Variants in ACOXL observed in about 807,000 individuals in gnomAD.
ACOXL encodes the protein acyl-coenzyme A oxidase-like protein.
Under a neutral mutation model 71.9 loss-of-function variants are expected in ACOXL, and 70 were observed. The observed-to-expected ratio is 0.97, with a 90% CI of 0.80 to 1.19. The LOEUF is 1.19. ACOXL is among the 50% of genes most tolerant of loss of function. The pLI is 0.00. For missense variants in ACOXL, 703 were observed against 736.3 expected (o/e 0.95, Z 0.52); for synonymous variants, 253 against 281.6 (o/e 0.90, Z 1.02).
chr2:111,090,749 A>G (rs1330262528), intron 16 of ACOXL, among the ~76,000 whole-genome samples: 2 of 152,220 alleles, frequency 1.3e-5, no homozygotes, highest in Non-Finnish European at 2.9e-5. Context: ...GGCTTGGATC[A>G]GATGGGACTG....
chr2:111,050,944 G>A (rs561114552), intron 16 of ACOXL, among the ~76,000 whole-genome samples: 27 of 152,320 alleles, frequency 1.8e-4, no homozygotes, highest in African/African-American at 6.5e-4. Context: ...CATTCGGTTA[G>A]AAACTAACAG....
intron 16 of ACOXL, among the ~76,000 whole-genome samples, chr2:111,081,782 G>A (rs1315206610): frequency 6.6e-6 from 1 of 152,090 alleles, no homozygotes; most frequent in Non-Finnish European, 1.5e-5. Flanking sequence ...ATACTACAAG[G>A]CTACAGTAAC....
intron 2 of ACOXL, among the ~76,000 whole-genome samples, chr2:110,770,365 G>A (rs1279917991): frequency 6.6e-6 from 1 of 152,226 alleles, no homozygotes; most frequent in Non-Finnish European, 1.5e-5. Context: ...TTGGTAGGTT[G>A]TCTAAGGAGA....
intron 11 of ACOXL, among the ~76,000 whole-genome samples, chr2:110,924,083 T>G (rs770868162): frequency 1.6e-4 from 24 of 152,218 alleles, no homozygotes; most frequent in Non-Finnish European, 2.4e-4. Flanking sequence ...GTATAAAAGT[T>G]ATATTTACAC....
intron 15 of ACOXL, among the ~76,000 whole-genome samples, chr2:111,046,648 G>A (rs2066028870): frequency 6.6e-6 from 1 of 152,102 alleles, no homozygotes; most frequent in African/African-American, 2.4e-5. Context: ...CAGTATGGAG[G>A]GTAACCACCC....
At chr2:111,104,354 A>AG (rs1285835568) in intron 17 of ACOXL, among the ~76,000 whole-genome samples, 1 of 152,214 alleles carries the variant, frequency 6.6e-6, no homozygotes, top group Non-Finnish European at 1.5e-5. Context: ...GTAGATGTTC[A>AG]GGGGTTCCAT....
chr2:111,009,919 C>A (rs2064065778), intron 14 of ACOXL, among the ~76,000 whole-genome samples: 1 of 152,180 alleles, frequency 6.6e-6, no homozygotes, highest in Non-Finnish European at 1.5e-5. Context: ...TATATTCTTC[C>A]TGACAAAGCA....
intron 14 of ACOXL, among the ~76,000 whole-genome samples, chr2:111,004,305 G>C (rs1182563999): frequency 2.8e-5 from 1 of 35,854 alleles, no homozygotes; most frequent in Non-Finnish European, 5.2e-5. Flanking sequence ...TTACTTTAGA[G>C]ATGCTTGGCC....
rs1216162996 is a variant in ACOXL, at chr2:110,905,533, T to A, written c.789-3256T>A. The stretch of plus-strand genomic sequence containing the variant: ...AATTCATAGACTCACATAGAATGTC[T>A]GTGCTTGGCTGTATATCACAGTTAC... On this transcript the variant is annotated intron_variant, in intron 10 of 17. Coordinates refer to ENST00000439055, the MANE Select transcript of ACOXL (RefSeq NM_001142807.4). Among the ~76,000 whole-genome samples the A allele has an allele frequency of 2.0e-4, 31 of 152,348 alleles. No homozygotes were observed. The South Asian group carries it at 6.0e-3, about 30-fold the overall frequency.
In ACOXL at chr2:111,067,523, C is replaced by T. The variant is rs777725946; in HGVS notation, c.1440+18235C>T. 6.6e-5 allele frequency among the ~76,000 whole-genome samples: 10 copies of T among 152,098 alleles called. 1 individual carries two copies. The highest frequency in any genetic ancestry group is 1.9e-4 in the East Asian group (1 of 5,186). ...TAATGAACTAGAGAAATCACTGACT[C>T]GCTTAGTCAAGAGAAGAAGGTGAGA... On this transcript the variant is annotated intron_variant, in intron 16 of 17. Coordinates refer to ENST00000439055, the MANE Select transcript of ACOXL (RefSeq NM_001142807.4).
chr2:111,050,493 G>A (rs889738351), intron 16 of ACOXL, among the ~76,000 whole-genome samples: 9 of 152,182 alleles, frequency 5.9e-5, no homozygotes, highest in Non-Finnish European at 1.5e-5. Flanking sequence ...GGTGCAGGCT[G>A]GCTTTCCATG....
chr2:110,821,201 G>T (rs994961851), intron 9 of ACOXL, among the ~76,000 whole-genome samples: 10 of 152,170 alleles, frequency 6.6e-5, no homozygotes, highest in Non-Finnish European at 1.5e-4. Context: ...ATTCTTTCCT[G>T]GATGGTGAAG....
intron 10 of ACOXL, among the ~76,000 whole-genome samples, chr2:110,851,701 G>C (rs1273103546): frequency 6.6e-6 from 1 of 152,190 alleles, no homozygotes; most frequent in Non-Finnish European, 1.5e-5. Flanking sequence ...CTGTGGTCCT[G>C]AGAGCCCTCA....
intron 11 of ACOXL, among the ~76,000 whole-genome samples, chr2:110,910,135 C>T (rs2059599688): frequency 6.6e-6 from 1 of 152,164 alleles, no homozygotes; most frequent in Non-Finnish European, 1.5e-5. Flanking sequence ...GGCCCCTTTG[C>T]AGTTGACCCT....
intron 1 of ACOXL, among the ~76,000 whole-genome samples, chr2:110,751,980 CA>C (rs1679028689): frequency 6.6e-6 from 1 of 151,794 alleles, no homozygotes; most frequent in African/African-American, 2.4e-5. Context: ...CAAAAGAATA[CA>C]TAGTAGATAA....
intron 11 of ACOXL, among the ~76,000 whole-genome samples, chr2:110,913,624 T>C (rs1013101130): frequency 4.6e-5 from 7 of 152,150 alleles, no homozygotes; most frequent in African/African-American, 1.7e-4. Flanking sequence ...TTTAGGCCAG[T>C]CTTGCATTGC....
chr2:110,795,941 C>G (rs1453274979), intron 5 of ACOXL: 1 of 152,150 alleles, frequency 6.6e-6, no homozygotes, highest in Non-Finnish European at 1.5e-5. Context: ...GCAGCTACCA[C>G]TGTCTGATAG....
Position 110,940,652 on chromosome 2 carries a change from C to T in ACOXL, c.1059+7010C>T, listed in dbSNP as rs117768385. ...GTCCCAGCACTGCTGCTCTTGAACT[C>T]CTCTGTGGAAACCTTTGGATTCCAG... On this transcript the variant is annotated intron_variant, in intron 12 of 17. Coordinates refer to ENST00000439055, the MANE Select transcript of ACOXL (RefSeq NM_001142807.4). Among the ~76,000 whole-genome samples the T allele has an allele frequency of 9.5e-3, 1,446 of 152,298 alleles. 13 individuals carry two copies. Among genetic ancestry groups the T allele is most frequent in the Middle Eastern group, 0.051 (15 of 294 alleles).
chr2:110,879,037 A>G (rs1355003919), intron 10 of ACOXL, among the ~76,000 whole-genome samples: 1 of 151,060 alleles, frequency 6.6e-6, no homozygotes, highest in Non-Finnish European at 1.5e-5. Flanking sequence ...AGCCTGGGCG[A>G]CAGGGCGAGG....
Sources: allele counts gnomAD v4.1 joint callset (sites outside exome capture counted in the v4.1 genomes callset), GRCh38; gene constraint gnomAD v4.1.1; transcripts MANE v1.5; gene names NCBI Gene and HGNC (gene_info 2026-07-23, HGNC 2026-07-21).